The following PAK1 variants were observed in gnomAD, a reference collection of about 807,000 sequenced individuals.
PAK1 encodes p21 (RAC1) activated kinase 1, also known as serine/threonine-protein kinase PAK 1.
A neutral mutation model predicts 67.4 loss-of-function variants in PAK1; 29 were observed. The ratio of observed to expected loss-of-function variants is 0.43; its 90% CI spans 0.32 to 0.59. The LOEUF (loss-of-function observed/expected upper bound fraction) is 0.59. Among genes scored for constraint, PAK1 ranks in the 20% least tolerant of loss-of-function variants. PAK1 has a pLI of 0.07. For missense variants in PAK1, 337 were observed against 670.7 expected (o/e 0.50, Z 5.50); for synonymous variants, 223 against 237.4 (o/e 0.94, Z 0.56).
the PAK1 span, among the ~76,000 whole-genome samples, chr11:77,495,930 C>A: frequency 6.6e-6 from 1 of 151,718 alleles, no homozygotes; most frequent in Non-Finnish European, 1.5e-5. Context: ...CATAGAGTTA[C>A]ATTTTGCAAG....
chr11:77,380,365 T>C (rs939136559), intron 2 of PAK1, among the ~76,000 whole-genome samples: 5 of 152,130 alleles, frequency 3.3e-5, no homozygotes. Flanking sequence ...TGGTGGTGCA[T>C]GCCTGTAATG....
chr11:77,337,529 A>C, intron 11 of PAK1, 106 bp from the exon 12 acceptor site: 1 of 543,666 alleles, frequency 1.8e-6, no homozygotes, highest in South Asian at 3.0e-5. Context: ...AAATAAAGGA[A>C]GTAAGGCCCC....
At chr11:77,443,188 T>C (rs1217016207) in intron 1 of PAK1, among the ~76,000 whole-genome samples, 2 of 151,198 alleles carry the variant, frequency 1.3e-5, no homozygotes, top group Non-Finnish European at 1.5e-5. Context: ...CCGGGTGTGG[T>C]AGCGCACGCC....
At chr11:77,340,245 C>A (rs1470607808) in intron 11 of PAK1, among the ~76,000 whole-genome samples, 1 of 152,154 alleles carries the variant, frequency 6.6e-6, no homozygotes, top group African/African-American at 2.4e-5. Context: ...TCACTACCTT[C>A]TTACTCTGTT....
chr11:77,469,732 G>A (rs1592594080), intron 1 of PAK1, among the ~76,000 whole-genome samples: 1 of 151,552 alleles, frequency 6.6e-6, no homozygotes, highest in African/African-American at 2.4e-5. Context: ...GACCCAGAAG[G>A]AGCAAACACT....
At chr11:77,446,528 A>AG (rs2138508993) in intron 1 of PAK1, among the ~76,000 whole-genome samples, 1 of 151,456 alleles carries the variant, frequency 6.6e-6, no homozygotes, top group African/African-American at 2.4e-5. Context: ...AAAAAAAAAA[A>AG]AAAAAAGAAA....
chr11:77,339,906 G>A (rs1943325200), intron 11 of PAK1, among the ~76,000 whole-genome samples: 1 of 151,800 alleles, frequency 6.6e-6, no homozygotes, highest in Non-Finnish European at 1.5e-5. Context: ...TCTGTCATCA[G>A]CAAAACACCC....
chr11:77,446,827 G>A (rs1182502859), intron 1 of PAK1, among the ~76,000 whole-genome samples: 1 of 151,792 alleles, frequency 6.6e-6, no homozygotes, highest in East Asian at 1.9e-4. Flanking sequence ...AATGGGTGAG[G>A]GGACATCAGA....
At chr11:77,471,929 T>C (rs1180515647) in intron 1 of PAK1, among the ~76,000 whole-genome samples, 1 of 152,212 alleles carries the variant, frequency 6.6e-6, no homozygotes, top group Non-Finnish European at 1.5e-5. Flanking sequence ...GGACTCACTT[T>C]GGCCAAGAGA....
the PAK1 span, among the ~76,000 whole-genome samples, chr11:77,481,938 G>A: frequency 6.6e-6 from 1 of 152,204 alleles, no homozygotes; most frequent in South Asian, 2.1e-4. Flanking sequence ...CTTGTTAATA[G>A]TGATTATTGC....
chr11:77,479,027 G>A (rs1958089608), upstream of PAK1, among the ~76,000 whole-genome samples: 1 of 150,686 alleles, frequency 6.6e-6, no homozygotes, highest in African/African-American at 2.5e-5. Flanking sequence ...ACAGCTTGCA[G>A]TGAGCCGAGA....
At chr11:77,523,577 G>C in the PAK1 span, among the ~76,000 whole-genome samples, 2 of 151,930 alleles carry the variant, frequency 1.3e-5, no homozygotes, top group African/African-American at 4.8e-5. Flanking sequence ...ACGCCACCAT[G>C]TCTGGCTAAT....
intron 1 of PAK1, among the ~76,000 whole-genome samples, chr11:77,456,736 ATTTGG>A (rs1957095890): frequency 6.6e-6 from 1 of 151,596 alleles, no homozygotes; most frequent in Non-Finnish European, 1.5e-5. Context: ...AATTATTATT[ATTTGG>A]TTTTTTGTTT....
intron 1 of PAK1, among the ~76,000 whole-genome samples, chr11:77,397,634 T>C (rs1555165168): frequency 6.6e-6 from 1 of 152,224 alleles, no homozygotes; most frequent in Non-Finnish European, 1.5e-5. Flanking sequence ...GTACTTTACA[T>C]ACTGAATCAA....
At chr11:77,498,497 CAT>C in the PAK1 span, among the ~76,000 whole-genome samples, 15,090 of 151,928 alleles carry the variant, frequency 0.099, 1,279 homozygotes, top group African/African-American at 0.22. Context: ...CACACACACA[CAT>C]GGTGCCACGG....
chr11:77,405,729 C>T (rs1454337307), intron 1 of PAK1, among the ~76,000 whole-genome samples: 1 of 145,274 alleles, frequency 6.9e-6, no homozygotes, highest in African/African-American at 2.6e-5. Flanking sequence ...CCCTTGACAC[C>T]CACATCCTCC....
chr11:77,337,571 G>A lies in PAK1; in HGVS notation c.1117-148C>T, dbSNP rs191122575. ...TAAAAGGACTTGCCCCAAATCAATC[G>A]CAGAGCCAGATCTAGAAACAAGTCT... On this transcript the variant is annotated intron_variant, in intron 11 of 14. Transcript: ENST00000356341. 1.2e-3 allele frequency: 540 copies of A among 454,710 alleles called. 1 individual carries two copies. Among genetic ancestry groups the A allele is most frequent in the South Asian group, 1.9e-3 (40 of 21,326 alleles). The allele number at this position is 454,710 out of a possible 1,614,324, so 28.2% of individuals were successfully genotyped here. A position where few individuals can be genotyped will look rare whatever the true frequency, so the allele number is the denominator to read the frequency against.
chr11:77,381,651 T>A (rs1434240385), intron 2 of PAK1, among the ~76,000 whole-genome samples: 1 of 152,220 alleles, frequency 6.6e-6, no homozygotes. Context: ...ATTCTTACAA[T>A]CCTACAAGAT....
intron 1 of PAK1, among the ~76,000 whole-genome samples, chr11:77,395,487 A>T (rs1592224603): frequency 2.0e-5 from 3 of 152,164 alleles, no homozygotes; most frequent in Admixed American, 6.5e-5. Flanking sequence ...TCTGACATCA[A>T]CCTGCCTTAT....
Sources: allele counts gnomAD v4.1 joint callset (sites outside exome capture counted in the v4.1 genomes callset), GRCh38; gene constraint gnomAD v4.1.1; transcripts MANE v1.5; gene names NCBI Gene and HGNC (gene_info 2026-07-23, HGNC 2026-07-21).